IMMP2L: variants seen among roughly 807,000 people sequenced by gnomAD.
IMMP2L encodes the protein mitochondrial inner membrane protease subunit 2.
In IMMP2L, 18 loss-of-function variants were observed where a neutral mutation model predicts 19.3. The ratio of observed to expected loss-of-function variants is 0.93; its 90% CI spans 0.64 to 1.38. The LOEUF (loss-of-function observed/expected upper bound fraction) is 1.38. Ranked by LOEUF, IMMP2L falls within the 40% of genes most tolerant of loss-of-function variation. IMMP2L has a pLI of 0.00. For synonymous variants in IMMP2L, 76 were observed against 73.0 expected (o/e 1.04, Z -0.21); for missense variants, 233 against 218.2 (o/e 1.07, Z -0.43).
At chr7:111,111,510 C>A (rs1799201308) in intron 3 of IMMP2L, among the ~76,000 whole-genome samples, 1 of 151,764 alleles carries the variant, frequency 6.6e-6, no homozygotes, top group African/African-American at 2.4e-5. Flanking sequence ...TACTATGCCA[C>A]TCTTTTGGGG....
intron 3 of IMMP2L, among the ~76,000 whole-genome samples, chr7:111,030,605 T>C (rs1790658463): frequency 6.6e-6 from 1 of 152,026 alleles, no homozygotes; most frequent in African/African-American, 2.4e-5. Flanking sequence ...TCCCCAAGAC[T>C]CCAGAGGTTC....
chr7:111,071,412 C>T (rs895772360), intron 3 of IMMP2L, among the ~76,000 whole-genome samples: 47 of 152,072 alleles, frequency 3.1e-4, no homozygotes, highest in African/African-American at 1.1e-3. Context: ...ACTAAAAATA[C>T]GTACTCAAGC....
chr7:111,362,011 T>C (rs35964347), intron 3 of IMMP2L, among the ~76,000 whole-genome samples: 3,275 of 152,250 alleles, frequency 0.022, 121 homozygotes, highest in African/African-American at 0.075. Context: ...ATTTAAATGA[T>C]TGCAAAGGCT....
At chr7:110,835,396 T>G (rs1006599017) in intron 5 of IMMP2L, among the ~76,000 whole-genome samples, 1 of 152,100 alleles carries the variant, frequency 6.6e-6, no homozygotes, top group African/African-American at 2.4e-5. Flanking sequence ...ACTCTGAAAT[T>G]TTTGTCCTCA....
chr7:111,513,590 C>T (rs1340640386), intron 2 of IMMP2L, among the ~76,000 whole-genome samples: 2 of 152,088 alleles, frequency 1.3e-5, no homozygotes, highest in African/African-American at 4.8e-5. Flanking sequence ...TGATCTACCA[C>T]TCTCACTTCT....
At chr7:111,505,352 AG>A (rs1231029579) in intron 2 of IMMP2L, among the ~76,000 whole-genome samples, 1 of 151,576 alleles carries the variant, frequency 6.6e-6, no homozygotes, top group Non-Finnish European at 1.5e-5. Context: ...GTGGAGAAAT[AG>A]GAACACTTTT....
At chr7:110,716,230 G>A (rs551819954) in intron 5 of IMMP2L, among the ~76,000 whole-genome samples, 6 of 151,956 alleles carry the variant, frequency 3.9e-5, no homozygotes, top group African/African-American at 1.4e-4. Context: ...GGGGATGGAT[G>A]GTTTTTCTTT....
At chr7:110,952,423 T>C (rs1817924949) in intron 4 of IMMP2L, among the ~76,000 whole-genome samples, 1 of 152,142 alleles carries the variant, frequency 6.6e-6, no homozygotes, top group South Asian at 2.1e-4. Flanking sequence ...TGGGCATAAG[T>C]GGGTTAATAC....
intron 3 of IMMP2L, among the ~76,000 whole-genome samples, chr7:111,029,354 T>A (rs1429238856): frequency 6.6e-6 from 1 of 152,118 alleles, no homozygotes; most frequent in Non-Finnish European, 1.5e-5. Context: ...AGTGCTCTTG[T>A]GGGTGGTTGG....
intron 2 of IMMP2L, among the ~76,000 whole-genome samples, chr7:111,518,251 T>C (rs1350893918): frequency 1.3e-5 from 2 of 152,122 alleles, no homozygotes; most frequent in East Asian, 1.9e-4. Flanking sequence ...ACCAACAGAA[T>C]TTTTGAAAGA....
At position 111,521,422 on chromosome 7, in the gene IMMP2L, T is replaced by G; in HGVS notation, c.26A>C (p.Lys9Thr). 1 of 1,612,642 alleles carries G rather than the reference T, an allele frequency of 6.2e-7. No homozygotes were observed. The highest frequency in any genetic ancestry group is 8.5e-7 in the Non-Finnish European group (1 of 1,179,162). Residue 9 changes from lysine to threonine, a missense_variant, in exon 2 of 6, where the codon AAA (lysine) becomes ACA (threonine). Physicochemically the swap from Lys to Thr is moderately conservative, Grantham distance 78. Transcript: ENST00000405709. ...TTTACAAAAGGCCTTGATGTATCTT[T>G]TCACCCACCCTTGTGACTGTGCCAT... is the stretch of plus-strand genomic sequence containing the variant. MAQSQGWV[K>T]RYIKAFCKGF...
chr7:111,105,138 G>A (rs1798403495), intron 3 of IMMP2L, among the ~76,000 whole-genome samples: 1 of 151,756 alleles, frequency 6.6e-6, no homozygotes, highest in South Asian at 2.1e-4. Flanking sequence ...CTGTAAATAT[G>A]TGTTTTCAAA....
At chr7:110,805,791 GC>G (rs1268094617) in intron 5 of IMMP2L, among the ~76,000 whole-genome samples, 6 of 151,880 alleles carry the variant, frequency 4.0e-5, no homozygotes, top group African/African-American at 7.2e-5. Context: ...CTTATACATG[GC>G]TTTTACTTTG....
intron 3 of IMMP2L, among the ~76,000 whole-genome samples, chr7:111,392,221 G>A (rs181459608): frequency 3.2e-4 from 48 of 152,064 alleles, no homozygotes; most frequent in Non-Finnish European, 5.6e-4. Context: ...TGTCTAACCA[G>A]GAAAAAGATT....
intron 3 of IMMP2L, among the ~76,000 whole-genome samples, chr7:111,154,672 A>G (rs1272616564): frequency 4.6e-5 from 7 of 152,320 alleles, no homozygotes; most frequent in Admixed American, 2.0e-4. Context: ...TAAACTCTTA[A>G]TAACAGTTCG....
chr7:110,900,266 C>T (rs1442654877), intron 4 of IMMP2L, among the ~76,000 whole-genome samples: 2 of 152,136 alleles, frequency 1.3e-5, no homozygotes, highest in African/African-American at 4.8e-5. Context: ...GCCATGTAGG[C>T]CAGCTGTTGT....
intron 3 of IMMP2L, among the ~76,000 whole-genome samples, chr7:111,270,895 T>G (rs1818391014): frequency 6.6e-6 from 1 of 152,154 alleles, no homozygotes; most frequent in African/African-American, 2.4e-5. Context: ...ACATGAACAA[T>G]TTTTCAAAAT....
intron 3 of IMMP2L, among the ~76,000 whole-genome samples, chr7:111,223,091 C>T (rs567000565): frequency 1.8e-4 from 28 of 151,812 alleles, no homozygotes; most frequent in African/African-American, 6.8e-4. Context: ...AAATTTTATA[C>T]ACTATTAAAA....
At position 111,270,871 on chromosome 7, in the gene IMMP2L, T is replaced by C. The variant is rs560768786; in HGVS notation, c.239+216367A>G. 2.0e-5 allele frequency among the ~76,000 whole-genome samples: 3 copies of C among 152,324 alleles called. No homozygotes were observed. In the South Asian group the frequency reaches 6.2e-4, roughly 32 times the overall value. ...GCCAACTAACATGGCATCTCTAAAA[T>C]GAGCACTTATCTTACATGAACAATT... is the stretch of plus-strand genomic sequence containing the variant. On this transcript the variant is annotated intron_variant, in intron 3 of 5. Transcript: ENST00000405709.
Sources: allele counts gnomAD v4.1 joint callset (sites outside exome capture counted in the v4.1 genomes callset), GRCh38; gene constraint gnomAD v4.1.1; transcripts MANE v1.5; gene names NCBI Gene and HGNC (gene_info 2026-07-23, HGNC 2026-07-21).